LIMD1: variants seen among roughly 807,000 people sequenced by gnomAD.
LIMD1 encodes the protein LIM domain containing 1, also known as LIM domain-containing protein 1.
A neutral mutation model predicts 58.4 loss-of-function variants in LIMD1; 23 were observed. The observed-to-expected ratio is 0.39, with a 90% CI of 0.28 to 0.56. The LOEUF is 0.56. LIMD1 is among the 20% of genes least tolerant of loss of function. The pLI is 0.57. For missense variants in LIMD1, 838 were observed against 855.5 expected (o/e 0.98, Z 0.25); for synonymous variants, 334 against 345.5 (o/e 0.97, Z 0.37).
chr3:45,623,198 G>A (rs1701642770), intron 1 of LIMD1, among the ~76,000 whole-genome samples: 1 of 152,120 alleles, frequency 6.6e-6, no homozygotes, highest in Non-Finnish European at 1.5e-5. Flanking sequence ...TTCCTATTTC[G>A]TATTAGAGTT....
chr3:45,679,553 A>G lies in LIMD1; in HGVS notation c.*2494A>G, dbSNP rs572339913. 1.3e-5 allele frequency: 2 copies of G among 152,162 alleles called. No individual in the cohort carries two copies. Among genetic ancestry groups the G allele is most frequent in the South Asian group, 4.1e-4 (2 of 4,820 alleles). The allele number at this position is 152,162 out of a possible 1,614,324, so 9.4% of individuals were successfully genotyped here. A position where few individuals can be genotyped will look rare whatever the true frequency, so the allele number is the denominator to read the frequency against. ...GAAAAGATTTTAAAATTTAGAATGA[A>G]TAGCCCTTCTGGGTTTTCTTTTTGA... is the stretch of plus-strand genomic sequence containing the variant. On this transcript the variant is annotated 3_prime_UTR_variant, in exon 8 of 8. Transcript: ENST00000273317.
intron 2 of LIMD1, among the ~76,000 whole-genome samples, chr3:45,660,871 G>T (rs1367364708): frequency 1.3e-5 from 2 of 152,178 alleles, no homozygotes; most frequent in African/African-American, 4.8e-5. Context: ...GAGTTCTCTG[G>T]AGTCCCTTTA....
chr3:45,669,304 C>A (rs1355887188), intron 4 of LIMD1, among the ~76,000 whole-genome samples: 5 of 152,176 alleles, frequency 3.3e-5, no homozygotes, highest in Admixed American at 3.3e-4. Context: ...ATATACTGAT[C>A]AGAGGAAATG....
intron 4 of LIMD1, 27 bp from the exon 5 acceptor site, chr3:45,672,663 C>T: frequency 1.2e-6 from 2 of 1,611,974 alleles, no homozygotes; most frequent in Non-Finnish European, 1.7e-6. Context: ...CCCTATAATC[C>T]CCACTGAGTC....
At chr3:45,611,536 A>G (rs368095061) in intron 1 of LIMD1, among the ~76,000 whole-genome samples, 1 of 152,232 alleles carries the variant, frequency 6.6e-6, no homozygotes, top group Non-Finnish European at 1.5e-5. Context: ...TCCTGTCCCA[A>G]GAGGTGGGAG....
chr3:45,649,840 G>GTT (rs1315471606), intron 2 of LIMD1, among the ~76,000 whole-genome samples: 20 of 63,966 alleles, frequency 3.1e-4, no homozygotes, highest in African/African-American at 1.8e-3. Flanking sequence ...GTTCCTTGAA[G>GTT]TTTTTTTGTT....
At chr3:45,628,092 G>A (rs185422908) in intron 1 of LIMD1, among the ~76,000 whole-genome samples, 311 of 152,138 alleles carry the variant, frequency 2.0e-3, no homozygotes, top group Non-Finnish European at 3.6e-3. Context: ...GAGATAGGAA[G>A]CAAATGAGGT....
At position 45,678,183 on chromosome 3, in the gene LIMD1, T is replaced by A. The variant is rs971662459; in HGVS notation, c.*1124T>A. 8 of 152,612 alleles carry A rather than the reference T, an allele frequency of 5.2e-5. No individual in the cohort carries two copies. The highest frequency in any genetic ancestry group is 1.2e-4 in the Non-Finnish European group (8 of 68,034). The allele number at this position is 152,612 out of a possible 1,614,324, so 9.5% of individuals were successfully genotyped here. ...GGTACACTGCTTTTGTCTGTTTAAT[T>A]TTTTTAGTTGTTTCCCTTCACTTTC... On this transcript the variant is annotated 3_prime_UTR_variant, in exon 8 of 8. Coordinates refer to ENST00000273317, the MANE Select transcript of LIMD1 (RefSeq NM_014240.3).
rs78072677 is a variant in LIMD1, at chr3:45,685,175, G to T, written c.*8116G>T. The T allele has an allele frequency of 2.0e-5, 3 of 152,192 alleles. No individual in the cohort carries two copies. The highest frequency in any genetic ancestry group is 7.2e-5 in the African/African-American group (3 of 41,452). The allele number at this position is 152,192 out of a possible 1,614,324, so 9.4% of individuals were successfully genotyped here. A position where few individuals can be genotyped will look rare whatever the true frequency, so the allele number is the denominator to read the frequency against. ...TTACTATAGGAAAAACTTGGCTACAGATATGAATTTATATTACCCATCATT... is the reference window on the plus strand; with the variant it reads ...TTACTATAGGAAAAACTTGGCTACATATATGAATTTATATTACCCATCATT... On this transcript the variant is annotated 3_prime_UTR_variant, in exon 8 of 8. Coordinates refer to ENST00000273317, the MANE Select transcript of LIMD1 (RefSeq NM_014240.3).
intron 2 of LIMD1, among the ~76,000 whole-genome samples, chr3:45,649,637 C>T (rs1179422653): frequency 2.0e-5 from 3 of 147,806 alleles, no homozygotes; most frequent in Admixed American, 6.8e-5. Context: ...GCCGAGATTG[C>T]ACCACTGCAC....
chr3:45,613,538 A>G (rs556002919), intron 1 of LIMD1, among the ~76,000 whole-genome samples: 176 of 146,478 alleles, frequency 1.2e-3, no homozygotes, highest in Non-Finnish European at 2.2e-3. Flanking sequence ...ATTACATTGT[A>G]TGGATACACC....
Position 45,595,385 on chromosome 3 carries a change from A to T in LIMD1, c.506A>T (p.Glu169Val). The T allele has an allele frequency of 6.2e-7, 1 of 1,613,896 alleles. No individual in the cohort carries two copies. Among genetic ancestry groups the T allele is most frequent in the Non-Finnish European group, 8.5e-7 (1 of 1,180,036 alleles). The change falls in exon 1 of 8, where the codon GAG becomes GTG. Residue 169 changes from glutamate (E) to valine (V), a missense_variant. By Grantham distance (121) the Glu-to-Val change is moderately radical (BLOSUM62 -2). Around this residue, in one of 3 missense-constraint regions of LIMD1, gnomAD observed 659 missense variants for 639.8 expected, o/e 1.03. Coordinates refer to ENST00000273317, the MANE Select transcript of LIMD1 (RefSeq NM_014240.3). ...GCTTTCCACCAGCCAGGCCCCTGTG[A>T]GGATCCTTCCTGCCTCACTCATGGA... is the stretch of plus-strand genomic sequence containing the variant. ...MSAFHQPGPC[E>V]DPSCLTHGDY...
rs1697754308 is a variant in LIMD1, at chr3:45,682,220, G to A, written c.*5161G>A. On this transcript the variant is annotated 3_prime_UTR_variant, in exon 8 of 8. Coordinates refer to ENST00000273317, the MANE Select transcript of LIMD1 (RefSeq NM_014240.3). Reference sequence around the variant, plus strand: ...ATGGCTAGTCTGATTTTGCCAACATGGGCTGCTATTTGCTTAAGACCTTGA... The same window carrying A: ...ATGGCTAGTCTGATTTTGCCAACATAGGCTGCTATTTGCTTAAGACCTTGA... 1 of 152,128 alleles carries A rather than the reference G, an allele frequency of 6.6e-6. No individual in the cohort carries two copies. Among genetic ancestry groups the A allele is most frequent in the African/African-American group, 2.4e-5 (1 of 41,424 alleles). The allele number at this position is 152,128 out of a possible 1,614,324, so 9.4% of individuals were successfully genotyped here.
intron 7 of LIMD1, among the ~76,000 whole-genome samples, chr3:45,675,871 C>T (rs1697660516): frequency 6.6e-6 from 1 of 152,014 alleles, no homozygotes; most frequent in African/African-American, 2.4e-5. Flanking sequence ...GCCAGGCATG[C>T]TGTGCCTATA....
At chr3:45,617,968 G>A (rs530396917) in intron 1 of LIMD1, among the ~76,000 whole-genome samples, 1 of 152,302 alleles carries the variant, frequency 6.6e-6, no homozygotes, top group East Asian at 1.9e-4. Context: ...TCTACTCTGT[G>A]TTACTTCTGA....
intron 1 of LIMD1, among the ~76,000 whole-genome samples, chr3:45,604,480 C>T (rs1701448283): frequency 6.6e-6 from 1 of 152,210 alleles, no homozygotes; most frequent in Admixed American, 6.5e-5. Context: ...CGTGTCAGGT[C>T]ACACTGTGTT....
At chr3:45,621,357 G>C (rs531699780) in intron 1 of LIMD1, among the ~76,000 whole-genome samples, 2 of 152,184 alleles carry the variant, frequency 1.3e-5, no homozygotes, top group African/African-American at 4.8e-5. Flanking sequence ...AGCCTCCCAA[G>C]TGGCTGGGTC....
intron 1 of LIMD1, among the ~76,000 whole-genome samples, chr3:45,633,591 T>G (rs1701758054): frequency 6.6e-6 from 1 of 152,216 alleles, no homozygotes; most frequent in South Asian, 2.1e-4. Flanking sequence ...AGTATGTGGG[T>G]ACCCTCTGTA....
chr3:45,676,137 G>C (rs568420971), intron 7 of LIMD1, among the ~76,000 whole-genome samples: 13 of 152,222 alleles, frequency 8.5e-5, no homozygotes, highest in African/African-American at 3.1e-4. Context: ...AGCTACTTGG[G>C]AGGCTGAGAC....
Sources: allele counts gnomAD v4.1 joint callset (sites outside exome capture counted in the v4.1 genomes callset), GRCh38; gene constraint gnomAD v4.1.1; regional missense constraint gnomAD v4.1.1; transcripts MANE v1.5; gene names NCBI Gene and HGNC (gene_info 2026-07-23, HGNC 2026-07-21).